The following NSMCE2 variants were observed in gnomAD, a reference collection of about 807,000 sequenced individuals.
NSMCE2 encodes E3 SUMO-protein ligase NSE2.
A neutral mutation model predicts 23.8 loss-of-function variants in NSMCE2; 24 were observed. The observed-to-expected ratio is 1.01, with a 90% CI of 0.73 to 1.42. NSMCE2 has a LOEUF of 1.42. Among genes scored for constraint, NSMCE2 ranks in the 40% most tolerant of loss-of-function variants. The pLI is 0.00. For missense variants in NSMCE2, 284 were observed against 296.5 expected, an observed-to-expected ratio of 0.96 and a Z score of 0.31; for synonymous variants, 92 against 94.1, an observed-to-expected ratio of 0.98 and a Z score of 0.13.
chr8:125,227,845 C>T lies in NSMCE2; in HGVS notation c.418+45589C>T, dbSNP rs917422787. The stretch of plus-strand genomic sequence containing the variant: ...CTTTTTTTTCTGTAAACTATATATT[C>T]GCAAAACTGAGATCAGTTTAGTGTC... On this transcript the variant is annotated intron_variant, in intron 5 of 7. Coordinates refer to ENST00000287437, the MANE Select transcript of NSMCE2 (RefSeq NM_173685.4). Among the ~76,000 whole-genome samples, 7 of 152,008 alleles carry T rather than the reference C, an allele frequency of 4.6e-5. No individual in the cohort carries two copies. In the East Asian group the frequency reaches 5.8e-4, roughly 13 times the overall value.
At chr8:125,196,533 C>T (rs1823629421) in intron 5 of NSMCE2, among the ~76,000 whole-genome samples, 1 of 152,158 alleles carries the variant, frequency 6.6e-6, no homozygotes, top group African/African-American at 2.4e-5. Context: ...GACATGAACT[C>T]ATCCCTTTTA....
intron 4 of NSMCE2, among the ~76,000 whole-genome samples, chr8:125,159,319 A>C (rs1821481254): frequency 6.6e-6 from 1 of 152,256 alleles, no homozygotes. Context: ...TATTTCAGTT[A>C]ACGAGGGGCC....
chr8:125,111,087 A>G (rs1389703677), intron 3 of NSMCE2, among the ~76,000 whole-genome samples: 5 of 152,118 alleles, frequency 3.3e-5, no homozygotes, highest in Admixed American at 6.5e-5. Flanking sequence ...ATACATCCAC[A>G]ACTTGTGTTC....
chr8:125,168,958 A>AT (rs1563693664), intron 4 of NSMCE2, among the ~76,000 whole-genome samples: 1 of 152,308 alleles, frequency 6.6e-6, no homozygotes, highest in East Asian at 1.9e-4. Flanking sequence ...TAATAACAGC[A>AT]TTTTTGTGTA....
chr8:125,162,277 A>G (rs964932301), intron 4 of NSMCE2, among the ~76,000 whole-genome samples: 12 of 152,204 alleles, frequency 7.9e-5, no homozygotes, highest in Admixed American at 3.9e-4. Context: ...CATATGCTCA[A>G]TTTTCTCTTG....
At chr8:125,294,243 A>G (rs1828234744) in intron 5 of NSMCE2, among the ~76,000 whole-genome samples, 1 of 152,124 alleles carries the variant, frequency 6.6e-6, no homozygotes, top group Non-Finnish European at 1.5e-5. Flanking sequence ...TCTTTTGGCT[A>G]TTATGGATAG....
intron 7 of NSMCE2, among the ~76,000 whole-genome samples, chr8:125,358,563 A>G (rs958858850): frequency 1.3e-5 from 2 of 152,126 alleles, no homozygotes; most frequent in Non-Finnish European, 2.9e-5. Flanking sequence ...ACGGAGGACC[A>G]TGCTCTGTTC....
In NSMCE2 at chr8:125,366,069, C is replaced by T. The variant is rs141645230; in HGVS notation, c.627-699C>T. Among the ~76,000 whole-genome samples the T allele has an allele frequency of 6.1e-3, 930 of 152,192 alleles. 4 individuals are homozygous for T. The highest frequency in any genetic ancestry group is 8.6e-3 in the Non-Finnish European group (587 of 68,016). On this transcript the variant is annotated intron_variant, in intron 7 of 7. Transcript: ENST00000287437. Reference sequence around the variant, plus strand: ...CTTGTTCCCACGCTTCATTCTGGGTCCTGCCCTAGATAAGATGTGTTCGGT... The same window carrying T: ...CTTGTTCCCACGCTTCATTCTGGGTTCTGCCCTAGATAAGATGTGTTCGGT...
intron 5 of NSMCE2, among the ~76,000 whole-genome samples, chr8:125,282,244 G>T (rs990694876): frequency 2.0e-5 from 3 of 151,942 alleles, no homozygotes; most frequent in Non-Finnish European, 4.4e-5. Flanking sequence ...CTCCCAAGTA[G>T]CTGGGATTAC....
intron 5 of NSMCE2, among the ~76,000 whole-genome samples, chr8:125,340,014 T>TG (rs1554640785): frequency 8.5e-6 from 1 of 117,906 alleles, no homozygotes; most frequent in Non-Finnish European, 1.9e-5. Flanking sequence ...TTTTTTTTGT[T>TG]TTTTTTTTTT....
At chr8:125,203,465 T>A (rs1456747356) in intron 5 of NSMCE2, among the ~76,000 whole-genome samples, 1 of 152,224 alleles carries the variant, frequency 6.6e-6, no homozygotes, top group African/African-American at 2.4e-5. Flanking sequence ...ATACAGCCCA[T>A]GCTTCATCCT....
At chr8:125,337,519 T>G (rs1326995050) in intron 5 of NSMCE2, among the ~76,000 whole-genome samples, 3 of 152,240 alleles carry the variant, frequency 2.0e-5, no homozygotes, top group Non-Finnish European at 4.4e-5. Flanking sequence ...TTTGCCAGAT[T>G]ACTAATGGCC....
chr8:125,238,279 C>T (rs781183849), intron 5 of NSMCE2, among the ~76,000 whole-genome samples: 2 of 152,128 alleles, frequency 1.3e-5, no homozygotes, highest in Non-Finnish European at 2.9e-5. Flanking sequence ...TTCCATCTGT[C>T]TCTCTTTCCT....
chr8:125,229,609 A>G (rs1322425526), intron 5 of NSMCE2, among the ~76,000 whole-genome samples: 1 of 152,244 alleles, frequency 6.6e-6, no homozygotes, highest in Non-Finnish European at 1.5e-5. Flanking sequence ...TAAAGATTTT[A>G]GGAAATAAAA....
chr8:125,301,824 C>T (rs541668708), intron 5 of NSMCE2, among the ~76,000 whole-genome samples: 21 of 152,042 alleles, frequency 1.4e-4, no homozygotes, highest in African/African-American at 4.3e-4. Context: ...CAACCATGCC[C>T]GGCTAATTTT....
intron 7 of NSMCE2, among the ~76,000 whole-genome samples, chr8:125,366,163 T>G (rs938329099): frequency 6.6e-6 from 1 of 152,202 alleles, no homozygotes; most frequent in Non-Finnish European, 1.5e-5. Flanking sequence ...CCTGCTTTGT[T>G]GCCCTCATAG....
At chr8:125,326,302 G>A (rs10106359) in intron 5 of NSMCE2, among the ~76,000 whole-genome samples, 66,958 of 151,986 alleles carry the variant, frequency 0.44, 17,036 homozygotes, top group East Asian at 0.55. Context: ...AAGTCATCCT[G>A]TATGTGTCAA....
chr8:125,206,962 C>T (rs1386902302), intron 5 of NSMCE2, among the ~76,000 whole-genome samples: 1 of 151,834 alleles, frequency 6.6e-6, no homozygotes, highest in African/African-American at 2.4e-5. Context: ...GCTTATGGGC[C>T]AAAAAGCATT....
rs1464878285 is a variant in NSMCE2, at chr8:125,093,763, G to A, written c.-111+1805G>A. ...AAATAGAAAGAAAACTGAAGAGAAG[G>A]TTTTCTCATGGTGGGAGCAGGATGA... On this transcript the variant is annotated intron_variant, in intron 1 of 7. Transcript: ENST00000287437. 6.6e-5 allele frequency among the ~76,000 whole-genome samples: 10 copies of A among 151,970 alleles called. No homozygotes were observed. In the East Asian group the frequency reaches 1.9e-3, roughly 29 times the overall value.
Sources: allele counts gnomAD v4.1 joint callset (sites outside exome capture counted in the v4.1 genomes callset), GRCh38; gene constraint gnomAD v4.1.1; transcripts MANE v1.5; gene names NCBI Gene and HGNC (gene_info 2026-07-23, HGNC 2026-07-21).